SPAG16: variants seen among roughly 807,000 people sequenced by gnomAD.
The protein encoded by SPAG16 is sperm-associated antigen 16 protein.
SPAG16 carries 86 observed loss-of-function variants against 80.4 expected under a neutral mutation model. The ratio of observed to expected loss-of-function variants is 1.07; its 90% confidence interval spans 0.90 to 1.28. The LOEUF is 1.28. Among genes scored for constraint, SPAG16 ranks in the 50% most tolerant of loss-of-function variants. The pLI is 0.00. For synonymous variants in SPAG16, 294 were observed against 265.9 expected, an observed-to-expected ratio of 1.11 and a Z score of -1.03; for missense variants, 870 against 765.3, an observed-to-expected ratio of 1.14 and a Z score of -1.61.
intron 13 of SPAG16, among the ~76,000 whole-genome samples, chr2:214,104,419 T>G (rs1576214318): frequency 6.6e-6 from 1 of 151,186 alleles, no homozygotes; most frequent in Admixed American, 6.6e-5. Context: ...TGACTGGGAG[T>G]GGGGTGGAGT....
rs578241415 is a variant in SPAG16 at position 213,876,318 on chromosome 2, A to G, written c.1214+13690A>G. On this transcript the variant is annotated intron_variant, in intron 11 of 15. Transcript: ENST00000331683. ...TAACTTTGAACCAAAAAAAAAAAAA[A>G]AAGAAGAAGAAAAGAAAAGAAAAAG... Among the ~76,000 whole-genome samples, 57 of 136,178 alleles carry G rather than the reference A, an allele frequency of 4.2e-4. No homozygotes were observed. In the East Asian group the frequency reaches 9.2e-3, roughly 22 times the overall value. 89.3% of individuals were successfully genotyped at this position (136,178 alleles called of 152,430 possible).
In SPAG16 at chr2:213,348,313, G is replaced by A. The variant is rs187096523; in HGVS notation, c.645-2215G>A. Among the ~76,000 whole-genome samples the A allele has an allele frequency of 4.4e-3, 669 of 152,132 alleles. 2 individuals carry two copies. The highest frequency in any genetic ancestry group is 7.3e-3 in the Non-Finnish European group (498 of 67,992). ...GTTTCCTGAATGCAACACAATGATG[G>A]GTCTTGACTCCTTATCCAGTTTGCC... On this transcript the variant is annotated intron_variant, in intron 6 of 15. Coordinates refer to ENST00000331683, the MANE Select transcript of SPAG16 (RefSeq NM_024532.5).
At chr2:214,141,340 G>A (rs960235764) in intron 14 of SPAG16, among the ~76,000 whole-genome samples, 1 of 151,806 alleles carries the variant, frequency 6.6e-6, no homozygotes, top group East Asian at 1.9e-4. Context: ...GGTGGCATGT[G>A]CCTGTAATCC....
chr2:214,192,321 T>G (rs1160902823), intron 15 of SPAG16, among the ~76,000 whole-genome samples: 1 of 152,106 alleles, frequency 6.6e-6, no homozygotes, highest in Non-Finnish European at 1.5e-5. Flanking sequence ...CCTGATGCCT[T>G]AAGAAAATAG....
At chr2:214,356,811 ATT>A (rs542252403) in intron 15 of SPAG16, among the ~76,000 whole-genome samples, 111 of 152,074 alleles carry the variant, frequency 7.3e-4, no homozygotes, top group African/African-American at 2.6e-3. Flanking sequence ...TTATGTTAAA[ATT>A]TTAATAATGA....
intron 10 of SPAG16, among the ~76,000 whole-genome samples, chr2:213,552,598 C>A (rs1248833739): frequency 6.6e-6 from 1 of 152,150 alleles, no homozygotes; most frequent in Non-Finnish European, 1.5e-5. Flanking sequence ...TATTCTCAAA[C>A]AGTGATATCA....
At chr2:214,316,144 GTTT>G (rs11292950) in intron 15 of SPAG16, among the ~76,000 whole-genome samples, 2 of 145,232 alleles carry the variant, frequency 1.4e-5, no homozygotes, top group African/African-American at 5.0e-5. Context: ...TACTTTTTGG[GTTT>G]TTTTTTTTTT....
At chr2:214,362,958 A>G (rs1229204480) in intron 15 of SPAG16, among the ~76,000 whole-genome samples, 4 of 151,858 alleles carry the variant, frequency 2.6e-5, no homozygotes, top group South Asian at 2.1e-4. Flanking sequence ...AGTTCCATTG[A>G]TTCATATTTG....
intron 15 of SPAG16, among the ~76,000 whole-genome samples, chr2:214,181,269 C>A (rs142905643): frequency 3.3e-5 from 5 of 151,774 alleles, no homozygotes; most frequent in Admixed American, 2.0e-4. Context: ...CCCTCTCTGC[C>A]TAGTACTAAC....
intron 4 of SPAG16, among the ~76,000 whole-genome samples, chr2:213,311,372 G>C (rs943457168): frequency 2.0e-5 from 3 of 151,698 alleles, no homozygotes; most frequent in Non-Finnish European, 4.4e-5. Flanking sequence ...GTTCAACAAT[G>C]TGTGTTAGGA....
At chr2:214,223,009 A>T (rs2058617233) in intron 15 of SPAG16, among the ~76,000 whole-genome samples, 1 of 152,228 alleles carries the variant, frequency 6.6e-6, no homozygotes, top group South Asian at 2.1e-4. Flanking sequence ...GACAAAAAAG[A>T]CATTCACTTT....
chr2:213,582,634 G>A (rs1218127065), intron 10 of SPAG16, among the ~76,000 whole-genome samples: 4 of 152,184 alleles, frequency 2.6e-5, no homozygotes. Context: ...GGCACTCTGT[G>A]CGTAGGATGG....
chr2:213,407,104 G>A lies in SPAG16; in HGVS notation c.942+31985G>A, dbSNP rs577035939. Among the ~76,000 whole-genome samples the A allele has an allele frequency of 3.9e-5, 6 of 152,256 alleles. 1 individual carries two copies. The South Asian group carries it at 1.0e-3, about 26-fold the overall frequency. On this transcript the variant is annotated intron_variant, in intron 9 of 15. Transcript: ENST00000331683. Reference sequence around the variant, plus strand: ...TCTGGAGGGCTAAATGTGTGTGTGCGTGAATGATCACAAACAACCCTGCTT... The same window carrying A: ...TCTGGAGGGCTAAATGTGTGTGTGCATGAATGATCACAAACAACCCTGCTT...
At chr2:214,303,860 A>AT (rs1180385535) in intron 15 of SPAG16, among the ~76,000 whole-genome samples, 1 of 151,880 alleles carries the variant, frequency 6.6e-6, no homozygotes, top group African/African-American at 2.4e-5. Context: ...AGCAGTTTTC[A>AT]TTTTTTAACT....
At chr2:213,469,710 T>C (rs2072965040) in intron 9 of SPAG16, among the ~76,000 whole-genome samples, 1 of 151,606 alleles carries the variant, frequency 6.6e-6, no homozygotes, top group African/African-American at 2.4e-5. Context: ...ATGGTAATAC[T>C]GTGAGATGCC....
intron 10 of SPAG16, among the ~76,000 whole-genome samples, chr2:213,662,413 T>C (rs73988582): frequency 0.026 from 3,957 of 152,218 alleles, 72 homozygotes; most frequent in African/African-American, 0.047. Context: ...GGGAAAGTTA[T>C]GAGAGATGAA....
intron 12 of SPAG16, among the ~76,000 whole-genome samples, chr2:213,979,992 T>G (rs1385325797): frequency 6.6e-6 from 1 of 151,876 alleles, no homozygotes; most frequent in African/African-American, 2.4e-5. Context: ...TTACTATGTT[T>G]TTGTTTGCAA....
chr2:213,980,725 T>TATATATATATATATATATAGAG (rs374274176), intron 12 of SPAG16, among the ~76,000 whole-genome samples: 38 of 103,968 alleles, frequency 3.7e-4, no homozygotes, highest in Non-Finnish European at 4.7e-4. Context: ...TATATATATA[T>TATATATATATATATATATAGAG]AGAGAGAGAG....
intron 10 of SPAG16, among the ~76,000 whole-genome samples, chr2:213,574,684 G>C (rs1281346636): frequency 6.8e-6 from 1 of 147,300 alleles, no homozygotes; most frequent in Non-Finnish European, 1.5e-5. Flanking sequence ...TATGATATAT[G>C]ATATATATAT....
Sources: gnomAD v4.1 joint callset for allele counts (sites outside exome capture counted in the v4.1 genomes callset) on GRCh38, gnomAD v4.1.1 for gene constraint, MANE v1.5 for transcripts, NCBI Gene and HGNC (gene_info 2026-07-23, HGNC 2026-07-21) for gene names.